Variants in RNF213 observed in about 807,000 individuals in gnomAD.
RNF213 encodes the protein E3 ubiquitin-protein ligase RNF213.
Under a neutral mutation model 514.4 loss-of-function variants are expected in RNF213, and 341 were observed. The ratio of observed to expected loss-of-function variants is 0.66; its 90% CI spans 0.61 to 0.73. RNF213 has a LOEUF of 0.73. Among genes scored for constraint, RNF213 ranks in the 30% least tolerant of loss-of-function variants. The pLI, the probability that RNF213 is intolerant of heterozygous loss-of-function variation, is 0.00. For synonymous variants in RNF213, 2,655 were observed against 2,658.2 expected (o/e 1.00, Z 0.04); for missense variants, 5,767 against 6,615.6 (o/e 0.87, Z 4.45).
intron 63 of RNF213, 32 bp from the exon 64 acceptor site, chr17:80,388,580 A>G: frequency 6.9e-7 from 1 of 1,451,984 alleles, no homozygotes; most frequent in Non-Finnish European, 9.7e-7. Context: ...GATGGATTTA[A>G]TTTTAAAAAA....
At chr17:80,392,271 A>G (rs2144679761) in intron 67 of RNF213, among the ~76,000 whole-genome samples, 1 of 152,284 alleles carries the variant, frequency 6.6e-6, no homozygotes, top group East Asian at 1.9e-4. Flanking sequence ...AACTTTTTCA[A>G]CAAGTCTTTA....
At position 80,263,802 on chromosome 17, in the gene RNF213, A is replaced by G. The variant is rs1197133831; in HGVS notation, c.97+24A>G. The G allele has an allele frequency of 6.2e-7, 1 of 1,605,996 alleles. No homozygotes were observed. The highest frequency in any genetic ancestry group is 1.1e-5 in the South Asian group (1 of 90,916). ...AGGTGAGGCCCAGGGGTGCTGGTGG[A>G]GGCTGGGGCAGTGGGGACCCCTGGA... On this transcript the variant is annotated intron_variant, in intron 2 of 67. Coordinates refer to ENST00000582970, the MANE Select transcript of RNF213 (RefSeq NM_001256071.3). This position sits in a 1 kb window ranked among gnomAD's most constrained non-coding sequence, Gnocchi z 4.9.
chr17:80,343,154 G>A lies in RNF213; in HGVS notation c.6012G>A (p.Arg2004=). ...TAGGAAAGTCTCTGTACGTGAAGAG[G>A]TTGCACGACAAAATGAAGATGCAGT... is the stretch of plus-strand genomic sequence containing the variant. ...AGVGKSLYVK[R]LHDKMKMQLN... is the part of the protein sequence containing the mutation. Residue 2004 remains arginine, a synonymous_variant, in exon 27 of 68, where the codon AGG becomes AGA. Coordinates refer to ENST00000582970, the MANE Select transcript of RNF213 (RefSeq NM_001256071.3). This position sits in a 1 kb window ranked among gnomAD's most constrained non-coding sequence, Gnocchi z 4.3. 6.2e-7 allele frequency: 1 copy of A among 1,613,882 alleles called. No individual in the cohort carries two copies. The highest frequency in any genetic ancestry group is 1.1e-5 in the South Asian group (1 of 91,066).
At chr17:80,319,886 C>A in intron 17 of RNF213, 1 of 1,099,798 alleles carries the variant, frequency 9.1e-7, no homozygotes, top group Non-Finnish European at 1.1e-6. Context: ...AACCCCTGTA[C>A]AAGCACAGCC....
intron 63 of RNF213, among the ~76,000 whole-genome samples, chr17:80,387,477 T>C (rs1420697994): frequency 6.6e-6 from 1 of 152,186 alleles, no homozygotes; most frequent in African/African-American, 2.4e-5. Context: ...TCAGCCTCCA[T>C]GGGTAACCTG....
In RNF213 at chr17:80,363,734, C is replaced by T. The variant is rs746646243; in HGVS notation, c.11694C>T (p.Ser3898=). 19 of 1,613,822 alleles carry T rather than the reference C, an allele frequency of 1.2e-5. No individual in the cohort carries two copies. In the East Asian group the frequency reaches 3.1e-4, roughly 27 times the overall value. ...CCATGCCGCTGGAGCTCATCTGCTC[C>T]GATGAGCACATGCAAGGCAGCGGGA... ...NLSMPLELIC[S]DEHMQGSGSL... Residue 3898 remains serine (S), a synonymous_variant, in exon 41 of 68, where the codon TCC becomes TCT. Coordinates refer to ENST00000582970, the MANE Select transcript of RNF213 (RefSeq NM_001256071.3).
intron 57 of RNF213, chr17:80,382,342 C>A: frequency 6.4e-6 from 1 of 155,602 alleles, no homozygotes; most frequent in Middle Eastern, 1.0e-3. Flanking sequence ...TTTTCTTTTG[C>A]TAATCTGCAA....
At chr17:80,384,980 C>T in intron 59 of RNF213, 59 bp from the exon 60 acceptor site, 3 of 1,581,238 alleles carry the variant, frequency 1.9e-6, no homozygotes, top group Non-Finnish European at 2.6e-6. Flanking sequence ...AAGTCTGTAA[C>T]CCCAATAACA....
At chr17:80,326,142 C>T (rs371927175) in intron 18 of RNF213, among the ~76,000 whole-genome samples, 11 of 151,832 alleles carry the variant, frequency 7.2e-5, no homozygotes, top group Non-Finnish European at 1.5e-4. Flanking sequence ...AATTTTAAAA[C>T]AAGGTCTTCT....
intron 8 of RNF213, among the ~76,000 whole-genome samples, chr17:80,294,487 A>T (rs1332102092): frequency 1.3e-5 from 2 of 152,172 alleles, no homozygotes; most frequent in Non-Finnish European, 2.9e-5. Flanking sequence ...CTTTCCACTC[A>T]TTACTGTGGG....
chr17:80,348,164 G>A lies in RNF213; in HGVS notation c.9829G>A (p.Gly3277Arg), dbSNP rs1232369693. Reference protein sequence around the residue: ...VVRLSAYSLGGFAAEWLSQEY... With the variant: ...VVRLSAYSLGRFAAEWLSQEY... ...CCGGCTGAGCGCCTACTCGCTGGGCGGGTTCGCAGCGGAGTGGCTGTCGCA... is the reference window on the plus strand; with the variant it reads ...CCGGCTGAGCGCCTACTCGCTGGGCAGGTTCGCAGCGGAGTGGCTGTCGCA... Residue 3277 changes from glycine (G) to arginine (R), a missense_variant, in exon 29 of 68, where the codon GGG (glycine) becomes AGG (arginine). Transcript: ENST00000582970. 1.9e-6 allele frequency: 3 copies of A among 1,614,056 alleles called. No homozygotes were observed. Among genetic ancestry groups the A allele is most frequent in the Non-Finnish European group, 2.5e-6 (3 of 1,180,052 alleles).
intron 67 of RNF213, among the ~76,000 whole-genome samples, chr17:80,390,797 C>G (rs907881807): frequency 6.6e-6 from 1 of 152,244 alleles, no homozygotes; most frequent in South Asian, 2.1e-4. Context: ...GGTGTGGAGG[C>G]TTACCCTGTA....
intron 47 of RNF213, 117 bp from the exon 48 acceptor site, chr17:80,372,404 C>G: frequency 1.3e-6 from 1 of 764,646 alleles, no homozygotes; most frequent in Non-Finnish European, 2.2e-6. Context: ...ACACTGAAAC[C>G]TACAGTAACA....
In RNF213 at chr17:80,266,430, A is replaced by G. The variant is rs370806897; in HGVS notation, c.97+2652A>G. ...CCCTGTCTTAGAAGAAAAGAAAAGG[A>G]AAAAAAAAGCCTTACAGTGGTCTCT... On this transcript the variant is annotated intron_variant, in intron 2 of 67. Transcript: ENST00000582970. Among the ~76,000 whole-genome samples, 1,238 of 150,652 alleles carry G rather than the reference A, an allele frequency of 8.2e-3. 18 individuals are homozygous for G. The highest frequency in any genetic ancestry group is 0.029 in the African/African-American group (1,185 of 41,050).
At chr17:80,319,878 C>G (rs1294083400) in intron 17 of RNF213, 1 of 1,132,926 alleles carries the variant, frequency 8.8e-7, no homozygotes, top group Non-Finnish European at 1.1e-6. Flanking sequence ...GGACACTTAA[C>G]CCCTGTACAA....
chr17:80,332,002 A>G lies in RNF213; in HGVS notation c.3518-4A>G, dbSNP rs573706674. 31 of 1,530,904 alleles carry G rather than the reference A, an allele frequency of 2.0e-5. No homozygotes were observed. In the African/African-American group the frequency reaches 3.0e-4, roughly 15 times the overall value. The allele number at this position is 1,530,904 out of a possible 1,614,324, so 94.8% of individuals were successfully genotyped here. Reference sequence around the variant, plus strand: ...CTTCTGACACTTTCTTTTCGCTTCTAAAGTGGACTTTGGAGTGCTTGCAGT... The same window carrying G: ...CTTCTGACACTTTCTTTTCGCTTCTGAAGTGGACTTTGGAGTGCTTGCAGT... On this transcript the variant is annotated splice_polypyrimidine_tract_variant and splice_region_variant and intron_variant, in intron 20 of 67. Transcript: ENST00000582970.
chr17:80,366,100 C>G (rs2079259762), intron 42 of RNF213, among the ~76,000 whole-genome samples: 1 of 152,242 alleles, frequency 6.6e-6, no homozygotes, highest in African/African-American at 2.4e-5. Flanking sequence ...TGAAGAGCAG[C>G]CCTTGGGACC....
Position 80,339,953 on chromosome 17 carries a change from G to A in RNF213, c.5586G>A (p.Val1862=), listed in dbSNP as rs1418226070. The A allele has an allele frequency of 2.0e-6, 3 of 1,536,890 alleles. No individual in the cohort carries two copies. Among genetic ancestry groups the A allele is most frequent in the African/African-American group, 2.7e-5 (2 of 73,022 alleles). Residue 1862 remains valine, a synonymous_variant, in exon 26 of 68, where the codon GTG becomes GTA. Transcript: ENST00000582970. ...PSQPLPTYDE[V]LLCTPATTFE... is the part of the protein sequence containing the mutation. ...AGCCCCTGCCCACTTACGATGAGGT[G>A]CTGCTCTGCACCCCGGCAACCACCT...
In RNF213 at chr17:80,345,058, C is replaced by T. The variant is rs774363919; in HGVS notation, c.6723C>T (p.Gly2241=). 115 of 1,613,888 alleles carry T rather than the reference C, an allele frequency of 7.1e-5. No individual in the cohort carries two copies. Among genetic ancestry groups the T allele is most frequent in the Middle Eastern group, 3.3e-4 (2 of 6,082 alleles). The change falls in exon 29 of 68, where the codon GGC becomes GGT. Residue 2241 remains glycine, a synonymous_variant. Transcript: ENST00000582970. The surrounding 1 kb of genome is among the most constrained non-coding windows in gnomAD (Gnocchi z 6.0). The part of the protein sequence containing the change: ...ASLFCNPSFI[G]DTLRGFKKFV... Reference sequence around the variant, plus strand: ...TCTTCTGCAATCCGAGTTTTATTGGCGACACACTGAGGGGCTTCAAGAAGT... The same window carrying T: ...TCTTCTGCAATCCGAGTTTTATTGGTGACACACTGAGGGGCTTCAAGAAGT...
Sources: allele counts gnomAD v4.1 joint callset (sites outside exome capture counted in the v4.1 genomes callset), GRCh38; gene constraint gnomAD v4.1.1; non-coding constraint Gnocchi (gnomAD v3.1); transcripts MANE v1.5; gene names NCBI Gene and HGNC (gene_info 2026-07-23, HGNC 2026-07-21).